The following KCNQ3 variants were observed in gnomAD, a reference collection of about 807,000 sequenced individuals.
KCNQ3 encodes the protein potassium voltage-gated channel subfamily Q member 3.
A neutral mutation model predicts 92.5 loss-of-function variants in KCNQ3; 30 were observed. That is an observed-to-expected ratio of 0.32 (90% CI 0.24 to 0.44). The LOEUF is 0.44. KCNQ3 is among the 20% of genes least tolerant of loss of function. The pLI is 1.00. For synonymous variants in KCNQ3, 450 were observed against 468.8 expected, an observed-to-expected ratio of 0.96 and a Z score of 0.52; for missense variants, 913 against 1,140.3, an observed-to-expected ratio of 0.80 and a Z score of 2.87.
chr8:132,356,119 T>G (rs1246868488), intron 1 of KCNQ3, among the ~76,000 whole-genome samples: 1 of 152,210 alleles, frequency 6.6e-6, no homozygotes, highest in Non-Finnish European at 1.5e-5. Context: ...GTGGATCTCC[T>G]GAGACTCTCA....
chr8:132,406,442 A>G (rs1256996705), intron 1 of KCNQ3, among the ~76,000 whole-genome samples: 2 of 152,118 alleles, frequency 1.3e-5, no homozygotes, highest in Admixed American at 1.3e-4. Context: ...TCATATGGAC[A>G]TGAAGATTTG....
chr8:132,250,099 C>T (rs886202978), intron 1 of KCNQ3, among the ~76,000 whole-genome samples: 2 of 152,184 alleles, frequency 1.3e-5, no homozygotes, highest in Non-Finnish European at 2.9e-5. Context: ...CAGAGAAGGG[C>T]TCCCACAGTG....
intron 1 of KCNQ3, among the ~76,000 whole-genome samples, chr8:132,354,643 T>G (rs539182823): frequency 6.6e-6 from 1 of 152,312 alleles, no homozygotes; most frequent in African/African-American, 2.4e-5. Context: ...CATACTTCCA[T>G]GGTGAGCCAA....
At chr8:132,414,752 G>A (rs1213413032) in intron 1 of KCNQ3, among the ~76,000 whole-genome samples, 2 of 152,148 alleles carry the variant, frequency 1.3e-5, no homozygotes, top group African/African-American at 4.8e-5. Context: ...ATAGACAGAG[G>A]GAGCAAACAA....
rs1433331438 is a variant in KCNQ3 at position 132,128,564 on chromosome 8, A to ATAAC, written c.*694_*697dup. Reference sequence around the variant, plus strand: ...GTGTGTGTTTTCTCCCTGCCAATTCATAACTCATCAGAAATGCTACACTTG... The same window carrying ATAAC: ...GTGTGTGTTTTCTCCCTGCCAATTCATAACTAACTCATCAGAAATGCTACACTTG... On this transcript the variant is annotated 3_prime_UTR_variant, in exon 15 of 15. Coordinates refer to ENST00000388996, the MANE Select transcript of KCNQ3 (RefSeq NM_004519.4). 1.3e-5 allele frequency: 2 copies of ATAAC among 150,470 alleles called. No homozygotes were observed. Among genetic ancestry groups the ATAAC allele is most frequent in the African/African-American group, 2.5e-5 (1 of 40,730 alleles). The allele number at this position is 150,470 out of a possible 1,614,324, so 9.3% of individuals were successfully genotyped here. A position where few individuals can be genotyped will look rare whatever the true frequency, so the allele number is the denominator to read the frequency against.
intron 1 of KCNQ3, among the ~76,000 whole-genome samples, chr8:132,290,171 C>G (rs995505648): frequency 6.6e-6 from 1 of 152,226 alleles, no homozygotes; most frequent in Middle Eastern, 3.2e-3. Flanking sequence ...AACTAATACT[C>G]CTGACATGGA....
At chr8:132,339,852 G>A (rs974658194) in intron 1 of KCNQ3, among the ~76,000 whole-genome samples, 2 of 151,848 alleles carry the variant, frequency 1.3e-5, no homozygotes, top group Non-Finnish European at 2.9e-5. Flanking sequence ...CAGAGATGGG[G>A]TAGCTTTTAT....
In KCNQ3 at chr8:132,279,872, A is replaced by G. The variant is rs188235432; in HGVS notation, c.387-93691T>C. On this transcript the variant is annotated intron_variant, in intron 1 of 14. Transcript: ENST00000388996. ...TATATGCGTGTGTGTGTGTGTGTGT[A>G]TATATATATTTGAGATAGTTCTGGG... Among the ~76,000 whole-genome samples, 279 of 120,322 alleles carry G rather than the reference A, an allele frequency of 2.3e-3. 1 individual carries two copies. Among genetic ancestry groups the G allele is most frequent in the Admixed American group, 3.3e-3 (38 of 11,356 alleles). 78.9% of individuals were successfully genotyped at this position (120,322 alleles called of 152,430 possible).
rs190546757 is a variant in KCNQ3 at position 132,252,184 on chromosome 8, G to A, written c.387-66003C>T. Reference sequence around the variant, plus strand: ...TGTCCGGAATTGGTTCCTTCTGGTCGGTTCTTGGTCTCACTGACTTCAAGA... The same window carrying A: ...TGTCCGGAATTGGTTCCTTCTGGTCAGTTCTTGGTCTCACTGACTTCAAGA... On this transcript the variant is annotated intron_variant, in intron 1 of 14. Transcript: ENST00000388996. Among the ~76,000 whole-genome samples the A allele has an allele frequency of 9.4e-5, 14 of 149,028 alleles. No individual in the cohort carries two copies. In the East Asian group the frequency reaches 2.7e-3, roughly 29 times the overall value.
At chr8:132,142,060 C>A (rs1334340292) in intron 9 of KCNQ3, among the ~76,000 whole-genome samples, 1 of 152,176 alleles carries the variant, frequency 6.6e-6, no homozygotes, top group Non-Finnish European at 1.5e-5. Context: ...ATTCAATCTG[C>A]CACCAGGTTC....
chr8:132,378,458 C>T lies in KCNQ3; in HGVS notation c.386+101689G>A, dbSNP rs191854553. On this transcript the variant is annotated intron_variant, in intron 1 of 14. Transcript: ENST00000388996. ...GGTAAATATAATTTATACTCCAATC[C>T]GATGGCAACAATCATATTGCTATAG... Among the ~76,000 whole-genome samples, 7 of 152,176 alleles carry T rather than the reference C, an allele frequency of 4.6e-5. No homozygotes were observed. In the East Asian group the frequency reaches 7.7e-4, roughly 17 times the overall value.
intron 1 of KCNQ3, among the ~76,000 whole-genome samples, chr8:132,432,124 T>C (rs1031860143): frequency 7.2e-5 from 11 of 152,200 alleles, no homozygotes; most frequent in African/African-American, 2.7e-4. Flanking sequence ...TAATTCTCCA[T>C]TGACTCAAAA....
chr8:132,173,141 G>A (rs905531144), intron 6 of KCNQ3, among the ~76,000 whole-genome samples: 1 of 152,176 alleles, frequency 6.6e-6, no homozygotes, highest in African/African-American at 2.4e-5. Context: ...GAACTGTCAC[G>A]TGATACTTTG....
intron 1 of KCNQ3, among the ~76,000 whole-genome samples, chr8:132,218,906 G>A (rs1178790346): frequency 6.6e-6 from 1 of 152,138 alleles, no homozygotes; most frequent in African/African-American, 2.4e-5. Flanking sequence ...GGCCACAGAG[G>A]AATGGAGGGA....
At chr8:132,217,208 A>T (rs1189403267) in intron 1 of KCNQ3, among the ~76,000 whole-genome samples, 1 of 152,206 alleles carries the variant, frequency 6.6e-6, no homozygotes, top group African/African-American at 2.4e-5. Flanking sequence ...CAAACATGAC[A>T]GGTGATTGTT....
intron 1 of KCNQ3, among the ~76,000 whole-genome samples, chr8:132,343,101 T>C (rs1360691737): frequency 1.3e-5 from 2 of 152,212 alleles, no homozygotes; most frequent in Non-Finnish European, 2.9e-5. Flanking sequence ...ACACTGAACA[T>C]AGTGTAAGGA....
intron 1 of KCNQ3, among the ~76,000 whole-genome samples, chr8:132,192,898 C>T (rs570088270): frequency 2.0e-5 from 3 of 152,294 alleles, no homozygotes; most frequent in East Asian, 3.9e-4. Flanking sequence ...CCACCTGACT[C>T]GGCCTTGGAA....
intron 1 of KCNQ3, among the ~76,000 whole-genome samples, chr8:132,336,405 CT>C (rs1818368187): frequency 6.6e-6 from 1 of 152,336 alleles, no homozygotes; most frequent in South Asian, 2.1e-4. Context: ...GACTTAATCT[CT>C]TAGGGTTTCT....
chr8:132,471,248 G>A (rs1253409402), intron 1 of KCNQ3, among the ~76,000 whole-genome samples: 1 of 152,148 alleles, frequency 6.6e-6, no homozygotes, highest in Non-Finnish European at 1.5e-5. Flanking sequence ...AGTACACCAC[G>A]ACATGAGGAT....
Sources: gnomAD v4.1 joint callset for allele counts (sites outside exome capture counted in the v4.1 genomes callset) on GRCh38, gnomAD v4.1.1 for gene constraint, MANE v1.5 for transcripts, NCBI Gene and HGNC (gene_info 2026-07-23, HGNC 2026-07-21) for gene names.